PCDHAC1: variants seen among roughly 807,000 people sequenced by gnomAD.
PCDHAC1 encodes protocadherin alpha subfamily C, 1.
In PCDHAC1, 42 loss-of-function variants were observed where a neutral mutation model predicts 60.0. That is an observed-to-expected ratio of 0.70 (90% confidence interval 0.55 to 0.90). PCDHAC1 has a LOEUF of 0.90. PCDHAC1 is among the 40% of genes least tolerant of loss of function. PCDHAC1 has a pLI of 0.00. For missense variants in PCDHAC1, 1,160 were observed against 1,222.3 expected (o/e 0.95, Z 0.76); for synonymous variants, 468 against 499.3 (o/e 0.94, Z 0.84).
intron 1 of PCDHAC1, among the ~76,000 whole-genome samples, chr5:140,933,436 A>G (rs1554209364): frequency 6.6e-6 from 1 of 152,102 alleles, no homozygotes; most frequent in Non-Finnish European, 1.5e-5. Flanking sequence ...GGGGCACTCT[A>G]ATGACATACC....
At chr5:140,955,183 G>A (rs556157825) in intron 1 of PCDHAC1, among the ~76,000 whole-genome samples, 1 of 152,122 alleles carries the variant, frequency 6.6e-6, no homozygotes, top group South Asian at 2.1e-4. Flanking sequence ...GTAGTTTTGT[G>A]GTGTATATGA....
At chr5:140,982,628 G>A (rs2096992254) in intron 3 of PCDHAC1, 65 bp downstream of exon 3, 1 of 1,578,000 alleles carries the variant, frequency 6.3e-7, no homozygotes, top group African/African-American at 1.4e-5. Flanking sequence ...ACCTACTTTT[G>A]TAAGATCAGG....
At chr5:140,985,228 C>T (rs1022229644) in intron 3 of PCDHAC1, among the ~76,000 whole-genome samples, 2 of 152,156 alleles carry the variant, frequency 1.3e-5, no homozygotes, top group Admixed American at 6.5e-5. Flanking sequence ...TGAGCCACCG[C>T]GCCTGGCCTA....
intron 1 of PCDHAC1, among the ~76,000 whole-genome samples, chr5:140,965,764 A>G (rs2095932618): frequency 6.6e-6 from 1 of 152,258 alleles, no homozygotes; most frequent in Non-Finnish European, 1.5e-5. Flanking sequence ...AATGGGTCAA[A>G]TAATAGATTT....
chr5:140,987,589 G>A (rs1554249335), intron 3 of PCDHAC1, among the ~76,000 whole-genome samples: 1 of 152,180 alleles, frequency 6.6e-6, no homozygotes, highest in Non-Finnish European at 1.5e-5. Context: ...GGGGAGAATA[G>A]TGGTGTCTAC....
chr5:140,928,570 C>G lies in PCDHAC1; in HGVS notation c.1678C>G (p.Pro560Ala). The G allele has an allele frequency of 6.2e-7, 1 of 1,614,196 alleles. No individual in the cohort carries two copies. The highest frequency in any genetic ancestry group is 8.5e-7 in the Non-Finnish European group (1 of 1,180,032). ...DNYPVILFPLPRNGSVPVEIV... is the reference protein window; with the variant it reads ...DNYPVILFPLARNGSVPVEIV... ...TTATCCGGTTATCTTGTTTCCCTTG[C>G]CCAGAAATGGTTCTGTCCCAGTGGA... is the stretch of plus-strand genomic sequence containing the variant. The change falls in exon 1 of 4, where the codon CCC becomes GCC. Residue 560 changes from proline to alanine, a missense_variant. Pro to Ala is a conservative substitution (Grantham distance 27). Around this residue, in one of 3 missense-constraint regions of PCDHAC1, gnomAD observed 1,113 missense variants for 1,163.7 expected, o/e 0.96. Transcript: ENST00000253807.
intron 1 of PCDHAC1, among the ~76,000 whole-genome samples, chr5:140,957,165 A>C (rs2095338056): frequency 6.6e-6 from 1 of 152,190 alleles, no homozygotes; most frequent in African/African-American, 2.4e-5. Context: ...AAATCTAAGT[A>C]TATAAATTGG....
At chr5:140,969,236 G>A (rs782453054) in intron 1 of PCDHAC1, 5 of 1,614,052 alleles carry the variant, frequency 3.1e-6, no homozygotes, top group Non-Finnish European at 4.2e-6. Flanking sequence ...GGGAGCCCAA[G>A]CAGCAGTGAC....
chr5:140,976,142 C>T (rs1554237347), intron 1 of PCDHAC1, among the ~76,000 whole-genome samples: 2 of 152,138 alleles, frequency 1.3e-5, no homozygotes, highest in Admixed American at 1.3e-4. Context: ...GGATGAAACT[C>T]ATGTACATTT....
chr5:140,964,918 G>A (rs563180752), intron 1 of PCDHAC1, among the ~76,000 whole-genome samples: 59 of 152,308 alleles, frequency 3.9e-4, no homozygotes, highest in Admixed American at 3.4e-3. Context: ...GAATAACACT[G>A]GCTAGGTAGT....
intron 1 of PCDHAC1, chr5:140,968,754 G>T: frequency 1.2e-6 from 2 of 1,614,170 alleles, no homozygotes; most frequent in Non-Finnish European, 1.7e-6. Flanking sequence ...GTGGTGGTCC[G>T]AGATAATGGA....
Position 140,997,511 on chromosome 5 carries a change from G to A in PCDHAC1, c.2582-12116G>A, listed in dbSNP as rs565737825. Among the ~76,000 whole-genome samples, 79 of 152,108 alleles carry A rather than the reference G, an allele frequency of 5.2e-4. No individual in the cohort carries two copies. In the South Asian group the frequency reaches 1.0e-2, roughly 19 times the overall value. ...TTTGTGTATCTCAACATACCTAAACGCAGAAAAAGTACAATAAAAATACAT... is the reference window on the plus strand; with the variant it reads ...TTTGTGTATCTCAACATACCTAAACACAGAAAAAGTACAATAAAAATACAT... On this transcript the variant is annotated intron_variant, in intron 3 of 3. Transcript: ENST00000253807.
chr5:140,940,494 G>C (rs553813143), intron 1 of PCDHAC1, among the ~76,000 whole-genome samples: 1 of 151,724 alleles, frequency 6.6e-6, no homozygotes, highest in East Asian at 1.9e-4. Context: ...GACAAGTCTT[G>C]CTCCGTCGCT....
intron 3 of PCDHAC1, among the ~76,000 whole-genome samples, chr5:141,000,877 C>T (rs2097970762): frequency 6.6e-6 from 1 of 151,952 alleles, no homozygotes; most frequent in Non-Finnish European, 1.5e-5. Context: ...CATTGTACTC[C>T]AACCTGGGCA....
At chr5:140,957,386 T>C (rs1461790676) in intron 1 of PCDHAC1, among the ~76,000 whole-genome samples, 1 of 152,226 alleles carries the variant, frequency 6.6e-6, no homozygotes, top group Non-Finnish European at 1.5e-5. Context: ...TGTATTGTTA[T>C]AATTGTCCTA....
At chr5:140,999,524 C>T (rs1367103048) in intron 3 of PCDHAC1, among the ~76,000 whole-genome samples, 1 of 152,026 alleles carries the variant, frequency 6.6e-6, no homozygotes, top group Non-Finnish European at 1.5e-5. Context: ...ATTTTGTTAC[C>T]CCCTGGATAT....
chr5:140,958,546 C>A (rs1366018855), intron 1 of PCDHAC1, among the ~76,000 whole-genome samples: 3 of 152,034 alleles, frequency 2.0e-5, no homozygotes, highest in Non-Finnish European at 4.4e-5. Context: ...ATTTATGAAC[C>A]AATAAATGTT....
At chr5:141,004,843 A>G (rs2098184369) in intron 3 of PCDHAC1, among the ~76,000 whole-genome samples, 1 of 152,230 alleles carries the variant, frequency 6.6e-6, no homozygotes, top group African/African-American at 2.4e-5. Context: ...CAAAGTCATT[A>G]GTCTCAGAGA....
intron 2 of PCDHAC1, among the ~76,000 whole-genome samples, chr5:140,980,889 T>C (rs1554242442): frequency 2.6e-5 from 4 of 152,202 alleles, no homozygotes; most frequent in Non-Finnish European, 4.4e-5. Flanking sequence ...GTCTTTCCAG[T>C]CTTGGACATC....
Sources: allele counts gnomAD v4.1 joint callset (sites outside exome capture counted in the v4.1 genomes callset), GRCh38; gene constraint gnomAD v4.1.1; regional missense constraint gnomAD v4.1.1; transcripts MANE v1.5; gene names NCBI Gene and HGNC (gene_info 2026-07-23, HGNC 2026-07-21).